DNAH3: variants seen among roughly 807,000 people sequenced by gnomAD.
DNAH3 encodes the protein dynein axonemal heavy chain 3.
In DNAH3, 332 loss-of-function variants were observed where a neutral mutation model predicts 432.5. The ratio of observed to expected loss-of-function variants is 0.77; its 90% CI spans 0.70 to 0.84. DNAH3 has a LOEUF of 0.84. Ranked by LOEUF, DNAH3 falls within the 40% of genes least tolerant of loss-of-function variation. DNAH3 has a pLI of 0.00. For synonymous variants in DNAH3, 1,956 were observed against 1,900.2 expected (o/e 1.03, Z -0.76); for missense variants, 4,861 against 5,114.0 (o/e 0.95, Z 1.51).
intron 24 of DNAH3, among the ~76,000 whole-genome samples, chr16:21,066,610 C>G (rs1308728770): frequency 6.6e-6 from 1 of 152,112 alleles, no homozygotes; most frequent in East Asian, 1.9e-4. Context: ...CTCAATGAAT[C>G]CTCCCACCTT....
chr16:21,105,583 T>A (rs1174180784), intron 15 of DNAH3, among the ~76,000 whole-genome samples: 2 of 152,034 alleles, frequency 1.3e-5, no homozygotes, highest in African/African-American at 4.8e-5. Flanking sequence ...CTGGCCAACA[T>A]GGAGAAACTC....
chr16:21,086,988 A>G, exon 19 of DNAH3: 1 of 1,614,220 alleles, frequency 6.2e-7, no homozygotes, highest in African/African-American at 1.3e-5. Flanking sequence ...GGTCTTGATC[A>G]GTTTATACGT....
chr16:21,081,381 T>A (rs199900413), intron 20 of DNAH3, among the ~76,000 whole-genome samples: 63 of 144,120 alleles, frequency 4.4e-4, no homozygotes, highest in African/African-American at 1.6e-3. Context: ...CAAAGAACAT[T>A]AAAAAAAAAA....
intron 15 of DNAH3, among the ~76,000 whole-genome samples, chr16:21,105,370 C>T (rs574165904): frequency 6.6e-6 from 1 of 152,270 alleles, no homozygotes; most frequent in East Asian, 1.9e-4. Flanking sequence ...CTAACTTGAC[C>T]CAACAAACTT....
At chr16:20,935,819 A>G (rs1208861326) in intron 60 of DNAH3, among the ~76,000 whole-genome samples, 3 of 146,206 alleles carry the variant, frequency 2.1e-5, no homozygotes, top group Non-Finnish European at 4.5e-5. Context: ...CTCCAGCCTG[A>G]GTGACAAGAG....
chr16:21,019,926 G>T, intron 40 of DNAH3, 57 bp from the exon 41 acceptor site: 1 of 1,583,906 alleles, frequency 6.3e-7, no homozygotes, highest in African/African-American at 1.3e-5. Context: ...AGATGTAAGG[G>T]CTGTGAACTG....
At chr16:21,098,819 T>G (rs2091763479) in intron 16 of DNAH3, 50 bp from the exon 17 acceptor site, 2 of 1,576,402 alleles carry the variant, frequency 1.3e-6, no homozygotes, top group Non-Finnish European at 8.6e-7. Flanking sequence ...TTTTGTGCAC[T>G]TTCAAAACAT....
At chr16:20,987,150 C>T (rs2086236705) in intron 47 of DNAH3, among the ~76,000 whole-genome samples, 155 bp downstream of exon 47, 1 of 152,072 alleles carries the variant, frequency 6.6e-6, no homozygotes, top group Non-Finnish European at 1.5e-5. Flanking sequence ...AAAATATCAC[C>T]AAGTCAAAAA....
At chr16:21,148,210 G>A (rs568470389) in intron 1 of DNAH3, among the ~76,000 whole-genome samples, 15 of 151,970 alleles carry the variant, frequency 9.9e-5, no homozygotes, top group South Asian at 2.1e-4. Context: ...TATCTCTCCC[G>A]GAGCACCTAC....
chr16:20,950,018 T>C (rs530760645), intron 56 of DNAH3, among the ~76,000 whole-genome samples: 1 of 152,286 alleles, frequency 6.6e-6, no homozygotes, highest in South Asian at 2.1e-4. Flanking sequence ...TATTTATTAT[T>C]ATTACTAGTT....
chr16:21,159,311 GA>G (rs1433221168), intron 1 of DNAH3: 1 of 1,607,178 alleles, frequency 6.2e-7, no homozygotes, highest in South Asian at 1.1e-5. Context: ...CTGGGACGCG[GA>G]CCCCCTCTCC....
intron 49 of DNAH3, among the ~76,000 whole-genome samples, chr16:20,981,305 A>G (rs531473283): frequency 2.0e-5 from 3 of 152,278 alleles, no homozygotes; most frequent in Middle Eastern, 6.8e-3. Flanking sequence ...ACTGAATTCT[A>G]CCCACAAGCA....
exon 53 of DNAH3, chr16:20,964,305 G>A (rs2084952616): frequency 1.2e-6 from 2 of 1,614,186 alleles, no homozygotes; most frequent in South Asian, 1.1e-5. Context: ...TGATCATGAA[G>A]TTGAGGAGAC....
At chr16:20,947,549 G>A (rs145485712) in intron 57 of DNAH3, among the ~76,000 whole-genome samples, 6 of 152,200 alleles carry the variant, frequency 3.9e-5, no homozygotes, top group East Asian at 1.9e-4. Flanking sequence ...CCCTCAACCC[G>A]TGGGATCTGA....
chr16:21,000,591 T>C, intron 42 of DNAH3, 73 bp from the exon 43 acceptor site: 3 of 1,361,476 alleles, frequency 2.2e-6, no homozygotes, highest in South Asian at 1.4e-5. Flanking sequence ...TCAAGAGACC[T>C]GGGTTTACAT....
chr16:21,049,712 C>A (rs908809618), intron 30 of DNAH3, 30 bp from the exon 31 acceptor site: 2 of 1,592,742 alleles, frequency 1.3e-6, no homozygotes, highest in African/African-American at 1.3e-5. Flanking sequence ...GGGTATCATT[C>A]AGGGTGGATT....
exon 53 of DNAH3, chr16:20,964,887 C>T: frequency 6.2e-7 from 1 of 1,614,166 alleles, no homozygotes; most frequent in Non-Finnish European, 8.5e-7. Context: ...AGGACAGCAA[C>T]ACGTCACCAG....
chr16:21,039,672 C>T (rs1013412421), intron 33 of DNAH3, among the ~76,000 whole-genome samples, 180 bp downstream of exon 33: 1 of 152,110 alleles, frequency 6.6e-6, no homozygotes, highest in Admixed American at 6.5e-5. Flanking sequence ...GGCCATTTCC[C>T]CGTCAGAAAT....
intron 60 of DNAH3, 150 bp from the exon 61 acceptor site, chr16:20,935,635 GA>G: frequency 1.2e-6 from 1 of 861,446 alleles, no homozygotes; most frequent in Non-Finnish European, 1.7e-6. Flanking sequence ...TCCCACTTTT[GA>G]AATAAGGGTA....
Sources: gnomAD v4.1 joint callset for allele counts (sites outside exome capture counted in the v4.1 genomes callset) on GRCh38, gnomAD v4.1.1 for gene constraint, MANE v1.5 for transcripts, NCBI Gene and HGNC (gene_info 2026-07-23, HGNC 2026-07-21) for gene names.